The following ABAT variants were observed in gnomAD, a reference collection of about 807,000 sequenced individuals.
The protein encoded by ABAT is 4-aminobutyrate aminotransferase, mitochondrial.
ABAT carries 45 observed loss-of-function variants against 64.6 expected under a neutral mutation model. That is an observed-to-expected ratio of 0.70 (90% confidence interval 0.55 to 0.89). The LOEUF (loss-of-function observed/expected upper bound fraction) is 0.89. Among genes scored for constraint, ABAT ranks in the 40% least tolerant of loss-of-function variants. ABAT has a pLI of 0.00. For missense variants in ABAT, 633 were observed against 658.4 expected (o/e 0.96, Z 0.42); for synonymous variants, 297 against 250.5 (o/e 1.19, Z -1.75).
intron 1 of ABAT, chr16:8,715,656 A>C (rs943750450): frequency 7.9e-6 from 1 of 126,424 alleles, no homozygotes; most frequent in South Asian, 2.5e-4. Context: ...AAAAAAAAAA[A>C]CAATTAAAGA....
At chr16:8,721,834 G>T (rs373412867) in intron 1 of ABAT, among the ~76,000 whole-genome samples, 20 of 152,292 alleles carry the variant, frequency 1.3e-4, no homozygotes, top group African/African-American at 4.6e-4. Flanking sequence ...AGGAAGCAGA[G>T]AGAGCTAATT....
At chr16:8,677,964 TG>T (rs1321193123) in intron 1 of ABAT, among the ~76,000 whole-genome samples, 1 of 151,180 alleles carries the variant, frequency 6.6e-6, no homozygotes, top group African/African-American at 2.4e-5. Context: ...GAGGCTGAGG[TG>T]GGGGGATTGC....
intron 6 of ABAT, among the ~76,000 whole-genome samples, chr16:8,758,338 C>T (rs1214068861): frequency 1.3e-5 from 2 of 152,054 alleles, no homozygotes; most frequent in African/African-American, 4.8e-5. Context: ...GGAGGCTTCC[C>T]AGGGAAATGA....
At chr16:8,754,569 A>G (rs113828728) in intron 5 of ABAT, among the ~76,000 whole-genome samples, 9 of 152,264 alleles carry the variant, frequency 5.9e-5, no homozygotes, top group Admixed American at 3.9e-4. Context: ...CGTTTTGCAC[A>G]AACTCCATTT....
intron 6 of ABAT, among the ~76,000 whole-genome samples, chr16:8,759,103 A>G (rs999908778): frequency 2.0e-5 from 3 of 152,072 alleles, no homozygotes; most frequent in African/African-American, 7.2e-5. Flanking sequence ...CTTTATCCCA[A>G]AAAATAATAA....
At chr16:8,712,943 C>G (rs531396987) in intron 1 of ABAT, 2 of 152,198 alleles carry the variant, frequency 1.3e-5, no homozygotes, top group Non-Finnish European at 2.9e-5. Flanking sequence ...AGCTCTCTGC[C>G]CCCCCAACCC....
intron 1 of ABAT, among the ~76,000 whole-genome samples, chr16:8,676,986 C>A (rs918151048): frequency 3.3e-5 from 5 of 152,182 alleles, no homozygotes; most frequent in African/African-American, 1.2e-4. Flanking sequence ...CCACCCAGTT[C>A]CCAGCTAAAG....
intron 2 of ABAT, among the ~76,000 whole-genome samples, chr16:8,742,927 G>T (rs914051923): frequency 2.7e-5 from 4 of 146,956 alleles, no homozygotes; most frequent in Non-Finnish European, 6.0e-5. Flanking sequence ...TCCTAGCTAC[G>T]TGGGAGGCTG....
At chr16:8,698,486 G>A (rs575101712) in intron 1 of ABAT, among the ~76,000 whole-genome samples, 23 of 151,948 alleles carry the variant, frequency 1.5e-4, no homozygotes, top group African/African-American at 5.3e-4. Flanking sequence ...GGCACCTGCC[G>A]CCACACCCAG....
Position 8,781,511 on chromosome 16 carries a change from C to T in ABAT, c.*81C>T. 6.7e-7 allele frequency: 1 copy of T among 1,484,864 alleles called. No homozygotes were observed. Among genetic ancestry groups the T allele is most frequent in the Non-Finnish European group, 9.1e-7 (1 of 1,095,752 alleles). The allele number at this position is 1,484,864 out of a possible 1,614,324, so 92.0% of individuals were successfully genotyped here. A position where few individuals can be genotyped will look rare whatever the true frequency, so the allele number is the denominator to read the frequency against. On this transcript the variant is annotated 3_prime_UTR_variant, in exon 16 of 16. Transcript: ENST00000268251. The surrounding 1 kb of genome is among the most constrained non-coding windows in gnomAD (Gnocchi z 4.5). ...TTAGTTTGCCTAATTCATGTTTTCACTTAAAAGTATCAGAGGTGAATGCAC... is the reference window on the plus strand; with the variant it reads ...TTAGTTTGCCTAATTCATGTTTTCATTTAAAAGTATCAGAGGTGAATGCAC...
intron 1 of ABAT, among the ~76,000 whole-genome samples, chr16:8,676,108 G>A (rs1390216780): frequency 6.6e-6 from 1 of 152,170 alleles, no homozygotes; most frequent in Non-Finnish European, 1.5e-5. Flanking sequence ...GGGAGGCAGT[G>A]AGTTGTGTCT....
At chr16:8,758,665 C>T (rs1393326445) in intron 6 of ABAT, among the ~76,000 whole-genome samples, 1 of 152,158 alleles carries the variant, frequency 6.6e-6, no homozygotes. Flanking sequence ...CAACTCTCTC[C>T]TGAGGTTGTG....
At chr16:8,691,511 C>T (rs2141976518) in intron 1 of ABAT, among the ~76,000 whole-genome samples, 1 of 152,204 alleles carries the variant, frequency 6.6e-6, no homozygotes, top group East Asian at 1.9e-4. Context: ...ACAATTTTGG[C>T]TCAATGCAAT....
intron 1 of ABAT, among the ~76,000 whole-genome samples, chr16:8,697,020 G>T (rs889194354): frequency 2.6e-5 from 4 of 152,190 alleles, no homozygotes; most frequent in African/African-American, 9.6e-5. Flanking sequence ...AGGAGCTTGC[G>T]TGCTGGCGGA....
intron 3 of ABAT, among the ~76,000 whole-genome samples, chr16:8,747,862 T>A (rs1433560047): frequency 6.6e-6 from 1 of 152,208 alleles, no homozygotes; most frequent in Non-Finnish European, 1.5e-5. Flanking sequence ...ATATTTTAGT[T>A]TATTTTATCT....
In ABAT at chr16:8,723,827, A is replaced by ATATAT. The variant is rs1567286201; in HGVS notation, c.-41-11871_-41-11870insATATT. On this transcript the variant is annotated intron_variant, in intron 1 of 15. Coordinates refer to ENST00000268251, the MANE Select transcript of ABAT (RefSeq NM_020686.6). The stretch of plus-strand genomic sequence containing the variant: ...AAGCTTTTTATATATATATATATAT[A>ATATAT]TTTTTTTTTTTTTTTTTTTTTTTTT... Among the ~76,000 whole-genome samples the ATATAT allele has an allele frequency of 4.2e-4, 17 of 40,360 alleles. 2 individuals are homozygous for ATATAT. Among genetic ancestry groups the ATATAT allele is most frequent in the Non-Finnish European group, 5.6e-4 (14 of 24,936 alleles). 26.5% of individuals were successfully genotyped at this position (40,360 alleles called of 152,430 possible).
At chr16:8,740,274 A>G (rs1446775694) in intron 2 of ABAT, among the ~76,000 whole-genome samples, 2 of 152,162 alleles carry the variant, frequency 1.3e-5, no homozygotes, top group Admixed American at 1.3e-4. Flanking sequence ...TATGTTTATT[A>G]TCTCACAGTT....
chr16:8,743,929 C>G (rs2059255353), intron 2 of ABAT, among the ~76,000 whole-genome samples: 1 of 151,980 alleles, frequency 6.6e-6, no homozygotes, highest in Non-Finnish European at 1.5e-5. Context: ...ACAGTAAACC[C>G]TCACACACTT....
At chr16:8,760,252 T>G (rs1203557429) in intron 6 of ABAT, 1 of 152,174 alleles carries the variant, frequency 6.6e-6, no homozygotes, top group African/African-American at 2.4e-5. Flanking sequence ...TCTTGCCACA[T>G]CCTCGCCAAC....
Sources: gnomAD v4.1 joint callset for allele counts (sites outside exome capture counted in the v4.1 genomes callset) on GRCh38, gnomAD v4.1.1 for gene constraint, Gnocchi (gnomAD v3.1) non-coding constraint, MANE v1.5 for transcripts, NCBI Gene and HGNC (gene_info 2026-07-23, HGNC 2026-07-21) for gene names.